Variants in ASAP1 observed in about 807,000 individuals in gnomAD.
The protein encoded by ASAP1 is arf-GAP with SH3 domain, ANK repeat and PH domain-containing protein 1.
A neutral mutation model predicts 145.2 loss-of-function variants in ASAP1; 43 were observed. The observed-to-expected ratio is 0.30, with a 90% CI of 0.23 to 0.38. The LOEUF (loss-of-function observed/expected upper bound fraction) is 0.38, where lower values mean the gene tolerates loss of function less well. ASAP1 is among the 10% of genes least tolerant of loss of function. ASAP1 has a pLI of 1.00. For missense variants in ASAP1, 1,018 were observed against 1,355.3 expected, an observed-to-expected ratio of 0.75 and a Z score of 3.91; for synonymous variants, 546 against 515.5, an observed-to-expected ratio of 1.06 and a Z score of -0.80.
intron 2 of ASAP1, among the ~76,000 whole-genome samples, chr8:130,392,981 G>A (rs766971939): frequency 6.6e-6 from 1 of 152,070 alleles, no homozygotes; most frequent in Non-Finnish European, 1.5e-5. Context: ...CCATGGCACC[G>A]AGGCACACAG....
At chr8:130,421,653 AG>A (rs1334414032) in intron 1 of ASAP1, among the ~76,000 whole-genome samples, 1 of 152,206 alleles carries the variant, frequency 6.6e-6, no homozygotes, top group Non-Finnish European at 1.5e-5. Context: ...GCAGAGGCCT[AG>A]GTCTATGAGC....
At chr8:130,267,875 T>C (rs926154810) in intron 3 of ASAP1, among the ~76,000 whole-genome samples, 1 of 152,168 alleles carries the variant, frequency 6.6e-6, no homozygotes, top group Non-Finnish European at 1.5e-5. Context: ...AGCCCAGAAC[T>C]GGTAGGAGCA....
Position 130,351,356 on chromosome 8 carries a change from T to C in ASAP1, c.186+6661A>G, listed in dbSNP as rs142085338. Among the ~76,000 whole-genome samples the C allele has an allele frequency of 8.6e-3, 1,314 of 152,330 alleles. 11 individuals are homozygous for C. Among genetic ancestry groups the C allele is most frequent in the Non-Finnish European group, 0.013 (917 of 68,040 alleles). On this transcript the variant is annotated intron_variant, in intron 3 of 29. Transcript: ENST00000518721. ...GTCTGTGAGCCTTTATGTATTCATATGTAAAGCAATAATAAGAATGCTACT... is the reference window on the plus strand; with the variant it reads ...GTCTGTGAGCCTTTATGTATTCATACGTAAAGCAATAATAAGAATGCTACT...
chr8:130,277,287 T>C (rs1053901775), intron 3 of ASAP1, among the ~76,000 whole-genome samples: 3 of 152,138 alleles, frequency 2.0e-5, no homozygotes, highest in African/African-American at 7.2e-5. Flanking sequence ...TGGTTTCCTG[T>C]AGCAGCCACT....
chr8:130,216,991 T>C (rs1427844523), intron 4 of ASAP1, among the ~76,000 whole-genome samples: 1 of 152,264 alleles, frequency 6.6e-6, no homozygotes, highest in Non-Finnish European at 1.5e-5. Context: ...GTGACTCTTG[T>C]GGCAGACATT....
intron 1 of ASAP1, among the ~76,000 whole-genome samples, chr8:130,421,412 T>A (rs1266087024): frequency 6.6e-6 from 1 of 152,202 alleles, no homozygotes; most frequent in African/African-American, 2.4e-5. Flanking sequence ...CAAAACTCTG[T>A]TTTCTCTTCC....
intron 3 of ASAP1, among the ~76,000 whole-genome samples, chr8:130,343,834 T>C (rs1283962944): frequency 2.0e-5 from 3 of 152,248 alleles, no homozygotes; most frequent in Non-Finnish European, 2.9e-5. Flanking sequence ...TTAAATATTA[T>C]TGAAGACTTT....
intron 2 of ASAP1, among the ~76,000 whole-genome samples, chr8:130,392,896 AT>A (rs1156241947): frequency 1.3e-5 from 2 of 152,116 alleles, no homozygotes; most frequent in Non-Finnish European, 2.9e-5. Flanking sequence ...TGACCCAAAC[AT>A]TTCCCATCAG....
chr8:130,057,035 G>A (rs1365445142), intron 29 of ASAP1, among the ~76,000 whole-genome samples: 1 of 152,220 alleles, frequency 6.6e-6, no homozygotes, highest in Non-Finnish European at 1.5e-5. Context: ...TGAGCTGCAG[G>A]TTTTAATGTA....
intron 3 of ASAP1, among the ~76,000 whole-genome samples, chr8:130,302,736 G>A (rs1334103045): frequency 6.6e-6 from 1 of 152,190 alleles, no homozygotes; most frequent in Non-Finnish European, 1.5e-5. Flanking sequence ...GAGAAAAGAG[G>A]CTTTTGGTTC....
intron 7 of ASAP1, among the ~76,000 whole-genome samples, 184 bp downstream of exon 7, chr8:130,187,052 G>T (rs16904214): frequency 1.3e-5 from 2 of 152,046 alleles, no homozygotes; most frequent in African/African-American, 2.4e-5. Context: ...AACCACTTTA[G>T]GTCAGTGTAC....
chr8:130,439,820 G>C (rs772097159), intron 1 of ASAP1, among the ~76,000 whole-genome samples: 91 of 152,362 alleles, frequency 6.0e-4, no homozygotes, highest in Admixed American at 1.6e-3. Context: ...CTCCACAGCA[G>C]GCTGGTAATA....
At chr8:130,142,553 AAC>A (rs1266058065) in intron 13 of ASAP1, among the ~76,000 whole-genome samples, 1 of 152,194 alleles carries the variant, frequency 6.6e-6, no homozygotes, top group African/African-American at 2.4e-5. Flanking sequence ...CATCTGTGGA[AAC>A]AGACTTGATT....
chr8:130,327,292 C>T (rs905808721), intron 3 of ASAP1, among the ~76,000 whole-genome samples: 1 of 152,172 alleles, frequency 6.6e-6, no homozygotes, highest in Non-Finnish European at 1.5e-5. Flanking sequence ...CCTCTCCCAC[C>T]AAACTGTTGT....
At chr8:130,301,959 G>A (rs1036674370) in intron 3 of ASAP1, among the ~76,000 whole-genome samples, 2 of 152,216 alleles carry the variant, frequency 1.3e-5, no homozygotes, top group African/African-American at 2.4e-5. Flanking sequence ...TAACCTCCAC[G>A]ATGGCAGGGG....
chr8:130,373,892 AAAG>A (rs1827351279), intron 2 of ASAP1, among the ~76,000 whole-genome samples: 1 of 151,614 alleles, frequency 6.6e-6, no homozygotes, highest in Non-Finnish European at 1.5e-5. Context: ...TGTAATAAAA[AAAG>A]GTTTTAGGCA....
At position 130,358,215 on chromosome 8, in the gene ASAP1, G is replaced by C. The variant is rs1826465733; in HGVS notation, c.60-72C>G. ...GCGCAGGCTCCCGGGGCCGCGGGCCGCCCGGAGGCTCATGAACCCCGGCGC... is the reference window on the plus strand; with the variant it reads ...GCGCAGGCTCCCGGGGCCGCGGGCCCCCCGGAGGCTCATGAACCCCGGCGC... On this transcript the variant is annotated intron_variant, in intron 2 of 29. Transcript: ENST00000518721. The surrounding 1 kb of genome is among the most constrained non-coding windows in gnomAD (Gnocchi z 4.1). 1 of 1,379,226 alleles carries C rather than the reference G, an allele frequency of 7.3e-7. No homozygotes were observed. Among genetic ancestry groups the C allele is most frequent in the South Asian group, 1.3e-5 (1 of 75,158 alleles). 85.4% of individuals were successfully genotyped at this position (1,379,226 alleles called of 1,614,324 possible). A position where few individuals can be genotyped will look rare whatever the true frequency, so the allele number is the denominator to read the frequency against.
chr8:130,179,987 G>A (rs1814236243), intron 8 of ASAP1, among the ~76,000 whole-genome samples: 2 of 145,268 alleles, frequency 1.4e-5, no homozygotes, highest in Non-Finnish European at 3.0e-5. Flanking sequence ...GAAAGAGAAT[G>A]AGAGAGAGAG....
At position 130,417,129 on chromosome 8, in the gene ASAP1, A is replaced by G. The variant is rs1303108029; in HGVS notation, c.-27-15159T>C. 2.6e-5 allele frequency among the ~76,000 whole-genome samples: 4 copies of G among 152,110 alleles called. No individual in the cohort carries two copies. In the East Asian group the frequency reaches 7.7e-4, roughly 29 times the overall value. ...ACACACAGAAGTGAAACCCATGTAC[A>G]ACTGCACACAGAAATACAACCCATG... On this transcript the variant is annotated intron_variant, in intron 1 of 29. Transcript: ENST00000518721.
Sources: allele counts gnomAD v4.1 joint callset (sites outside exome capture counted in the v4.1 genomes callset), GRCh38; gene constraint gnomAD v4.1.1; non-coding constraint Gnocchi (gnomAD v3.1); transcripts MANE v1.5; gene names NCBI Gene and HGNC (gene_info 2026-07-23, HGNC 2026-07-21).